CTNNA2: variants seen among roughly 807,000 people sequenced by gnomAD.
CTNNA2 encodes the protein catenin alpha-2.
Under a neutral mutation model 101.0 loss-of-function variants are expected in CTNNA2, and 42 were observed. The observed-to-expected ratio is 0.42, with a 90% CI of 0.32 to 0.54. The LOEUF (loss-of-function observed/expected upper bound fraction) is 0.54, where lower values mean the gene tolerates loss of function less well. CTNNA2 is among the 20% of genes least tolerant of loss of function. The pLI, the probability that CTNNA2 is intolerant of heterozygous loss-of-function variation, is 0.14. For synonymous variants in CTNNA2, 450 were observed against 456.4 expected, an observed-to-expected ratio of 0.99 and a Z score of 0.18; for missense variants, 871 against 1,223.1, an observed-to-expected ratio of 0.71 and a Z score of 4.29.
At chr2:80,518,978 T>A (rs910344685) in intron 9 of CTNNA2, among the ~76,000 whole-genome samples, 5 of 102,478 alleles carry the variant, frequency 4.9e-5, no homozygotes, top group Admixed American at 4.4e-4. Context: ...AACACATAAA[T>A]GGGATTTTTT....
At chr2:79,945,155 A>C (rs1688410825) in intron 7 of CTNNA2, among the ~76,000 whole-genome samples, 1 of 151,910 alleles carries the variant, frequency 6.6e-6, no homozygotes, top group Non-Finnish European at 1.5e-5. Flanking sequence ...CAGTCCTTCC[A>C]CTTCAGTCTC....
rs536003165 is a variant in CTNNA2 at position 80,403,313 on chromosome 2, C to G, written c.1137+10022C>G. Among the ~76,000 whole-genome samples, 3 of 152,172 alleles carry G rather than the reference C, an allele frequency of 2.0e-5. No homozygotes were observed. In the East Asian group the frequency reaches 5.8e-4, roughly 29 times the overall value. ...CACCTGCTGTAGGAGAAAGTTCCCC[C>G]GCAAAGTCTCAATGTCAGATGGCTT... On this transcript the variant is annotated intron_variant, in intron 8 of 18. Transcript: ENST00000402739.
intron 3 of CTNNA2, among the ~76,000 whole-genome samples, chr2:79,817,670 G>T (rs979901412): frequency 4.2e-4 from 64 of 152,254 alleles, no homozygotes; most frequent in African/African-American, 1.4e-3. Flanking sequence ...TGCGCCAAGG[G>T]CAAAACCTAG....
At chr2:79,736,413 G>A (rs1670881330) in intron 2 of CTNNA2, among the ~76,000 whole-genome samples, 2 of 152,128 alleles carry the variant, frequency 1.3e-5, no homozygotes, top group South Asian at 4.1e-4. Context: ...GTATTACTTG[G>A]CAGTTAATTT....
At chr2:80,432,139 T>G (rs1681593627) in intron 9 of CTNNA2, among the ~76,000 whole-genome samples, 1 of 152,192 alleles carries the variant, frequency 6.6e-6, no homozygotes, top group Non-Finnish European at 1.5e-5. Flanking sequence ...CTAGAGTGTA[T>G]TTTTTGCTTA....
chr2:80,302,238 G>A lies in CTNNA2; in HGVS notation c.1057-90973G>A, dbSNP rs765324513. The A allele has an allele frequency of 7.5e-6, 12 of 1,607,984 alleles. No individual in the cohort carries two copies. Among genetic ancestry groups the A allele is most frequent in the South Asian group, 2.2e-5 (2 of 90,144 alleles). The stretch of plus-strand genomic sequence containing the variant: ...GTATTTGGTAGCGCATGGGTTGAGA[G>A]CCACTGGGACAATCACACCTCGCAT... On this transcript the variant is annotated intron_variant, in intron 7 of 18. Coordinates refer to ENST00000402739, the MANE Select transcript of CTNNA2 (RefSeq NM_001282597.3). This position sits in a 1 kb window ranked among gnomAD's most constrained non-coding sequence, Gnocchi z 6.4.
chr2:79,683,619 T>C (rs575119695), intron 2 of CTNNA2, among the ~76,000 whole-genome samples: 2 of 152,334 alleles, frequency 1.3e-5, no homozygotes, highest in African/African-American at 4.8e-5. Context: ...AAGCACTCTT[T>C]TACATTGTTA....
At chr2:80,007,140 G>A (rs1410762789) in intron 7 of CTNNA2, among the ~76,000 whole-genome samples, 2 of 152,102 alleles carry the variant, frequency 1.3e-5, no homozygotes, top group African/African-American at 4.8e-5. Context: ...AATTGAGCTT[G>A]TTATTTAGCT....
chr2:80,347,591 C>T (rs1672859752), intron 7 of CTNNA2, among the ~76,000 whole-genome samples: 1 of 152,142 alleles, frequency 6.6e-6, no homozygotes, highest in Admixed American at 6.6e-5. Flanking sequence ...GTAAGAGGAG[C>T]ATGTGTTCTT....
intron 3 of CTNNA2, among the ~76,000 whole-genome samples, chr2:79,811,334 G>A (rs7563393): frequency 0.19 from 29,315 of 151,922 alleles, 3,337 homozygotes; most frequent in African/African-American, 0.32. Flanking sequence ...TTCTTTTGAG[G>A]AGTGTCTGTT....
At chr2:80,112,094 A>T (rs1701249127) in intron 7 of CTNNA2, among the ~76,000 whole-genome samples, 3 of 152,220 alleles carry the variant, frequency 2.0e-5, no homozygotes, top group Non-Finnish European at 2.9e-5. Context: ...AAATAAATGT[A>T]CAATATAGTT....
At position 79,525,495 on chromosome 2, in the gene CTNNA2, T is replaced by G. The variant is rs886806319; in HGVS notation, c.-6+12288T>G. Among the ~76,000 whole-genome samples, 5 of 151,928 alleles carry G rather than the reference T, an allele frequency of 3.3e-5. 1 individual carries two copies. The Admixed American group carries it at 3.3e-4, about 10-fold the overall frequency. ...ATCATCTTAAAACCCTGTGAGCCAT[T>G]CTATTAGGTTGGTGCAAAAGTAATT... On this transcript the variant is annotated intron_variant, in intron 1 of 18. Coordinates refer to ENST00000402739, the MANE Select transcript of CTNNA2 (RefSeq NM_001282597.3).
intron 7 of CTNNA2, among the ~76,000 whole-genome samples, chr2:80,031,754 A>T (rs1695304954): frequency 6.6e-6 from 1 of 152,244 alleles, no homozygotes; most frequent in Admixed American, 6.5e-5. Flanking sequence ...ATAATTCAAC[A>T]TGCATAGCCA....
Position 79,302,118 on chromosome 2 carries a change from G to A in CTNNA2, c.-405-10591G>A, listed in dbSNP as rs371261591. ...AATAAACAAATAAATAAATAAATAA[G>A]TAAATAAATAAATAAATAAAAGAAC... On this transcript the variant is annotated intron_variant, in intron 2 of 21. Transcript: ENST00000466387. 4.2e-4 allele frequency among the ~76,000 whole-genome samples: 63 copies of A among 150,068 alleles called. 1 individual carries two copies. The highest frequency in any genetic ancestry group is 1.9e-3 in the East Asian group (10 of 5,156).
intron 3 of CTNNA2, among the ~76,000 whole-genome samples, chr2:79,817,900 A>G (rs1381789227): frequency 6.6e-6 from 1 of 152,178 alleles, no homozygotes; most frequent in Non-Finnish European, 1.5e-5. Context: ...CATCGATGTA[A>G]ATAACCCCCT....
chr2:80,555,581 G>T (rs965306326), intron 11 of CTNNA2, 112 bp from the exon 12 acceptor site: 7 of 510,786 alleles, frequency 1.4e-5, no homozygotes, highest in South Asian at 4.9e-5. Flanking sequence ...GTATTATTAG[G>T]CATGCATTGA....
intron 1 of CTNNA2, among the ~76,000 whole-genome samples, chr2:79,627,106 A>C (rs1434894283): frequency 1.3e-5 from 2 of 152,154 alleles, no homozygotes; most frequent in Non-Finnish European, 2.9e-5. Flanking sequence ...AGCTCTGGGA[A>C]TGCGTTTTAG....
At chr2:79,436,264 G>A (rs1421303502) in intron 4 of CTNNA2, among the ~76,000 whole-genome samples, 2 of 152,202 alleles carry the variant, frequency 1.3e-5, no homozygotes, top group Non-Finnish European at 2.9e-5. Flanking sequence ...GACAAATGGT[G>A]TGAATTAAAG....
At chr2:79,927,272 G>C (rs1687083525) in intron 7 of CTNNA2, among the ~76,000 whole-genome samples, 1 of 152,062 alleles carries the variant, frequency 6.6e-6, no homozygotes. Flanking sequence ...GTTTTGGTTG[G>C]GCTTGGTGTT....
Sources: gnomAD v4.1 joint callset for allele counts (sites outside exome capture counted in the v4.1 genomes callset) on GRCh38, gnomAD v4.1.1 for gene constraint, Gnocchi (gnomAD v3.1) non-coding constraint, MANE v1.5 for transcripts, NCBI Gene and HGNC (gene_info 2026-07-23, HGNC 2026-07-21) for gene names.